DLGAP2: variants seen among roughly 807,000 people sequenced by gnomAD.
DLGAP2 encodes disks large-associated protein 2.
DLGAP2 carries 26 observed loss-of-function variants against 100.3 expected under a neutral mutation model. The ratio of observed to expected loss-of-function variants is 0.26; its 90% confidence interval spans 0.19 to 0.36. The LOEUF (loss-of-function observed/expected upper bound fraction) is 0.36, where lower values mean the gene tolerates loss of function less well. DLGAP2 is among the 10% of genes least tolerant of loss of function. The pLI is 1.00. For synonymous variants in DLGAP2, 886 were observed against 630.1 expected, an observed-to-expected ratio of 1.41 and a Z score of -6.08; for missense variants, 1,858 against 1,453.2, an observed-to-expected ratio of 1.28 and a Z score of -4.53.
chr8:1,243,675 T>G (rs1262830579), intron 2 of DLGAP2, among the ~76,000 whole-genome samples: 4 of 152,168 alleles, frequency 2.6e-5, no homozygotes, highest in Non-Finnish European at 5.9e-5. Context: ...TCGGTGGGGC[T>G]GGAGCCTGCC....
At position 1,706,813 on chromosome 8, in the gene DLGAP2, G is replaced by C. The variant is rs576579195; in HGVS notation, c.*5407G>C. 1 of 152,278 alleles carries C rather than the reference G, an allele frequency of 6.6e-6. No individual in the cohort carries two copies. The highest frequency in any genetic ancestry group is 1.9e-4 in the East Asian group (1 of 5,170). 9.4% of individuals were successfully genotyped at this position (152,278 alleles called of 1,614,324 possible). On this transcript the variant is annotated 3_prime_UTR_variant, in exon 15 of 15. Transcript: ENST00000637795. Reference sequence around the variant, plus strand: ...ACACACTGACTCAAACCACGCAAGGGTTTGAGAAGCCCACCCCTCTAATTC... The same window carrying C: ...ACACACTGACTCAAACCACGCAAGGCTTTGAGAAGCCCACCCCTCTAATTC...
chr8:1,224,368 A>G (rs1300106312), intron 2 of DLGAP2, among the ~76,000 whole-genome samples: 1 of 152,204 alleles, frequency 6.6e-6, no homozygotes, highest in Non-Finnish European at 1.5e-5. Flanking sequence ...AAGCACCAAG[A>G]ACAGAGCCTG....
intron 1 of DLGAP2, among the ~76,000 whole-genome samples, chr8:890,198 C>T (rs573317225): frequency 2.1e-4 from 32 of 152,236 alleles, no homozygotes; most frequent in Middle Eastern, 3.4e-3. Context: ...TCAGCCATCT[C>T]GGCCAGAATA....
At chr8:1,535,517 G>C (rs930529202) in intron 4 of DLGAP2, among the ~76,000 whole-genome samples, 1 of 152,180 alleles carries the variant, frequency 6.6e-6, no homozygotes, top group African/African-American at 2.4e-5. Context: ...TAGCACAGAC[G>C]TGTTCAAGCG....
rs145138471 is a variant in DLGAP2 at position 1,423,150 on chromosome 8, C to G, written c.107-78216C>G. On this transcript the variant is annotated intron_variant, in intron 3 of 14. Coordinates refer to ENST00000637795, the MANE Select transcript of DLGAP2 (RefSeq NM_001346810.2). ...TAAAATAATGAATGAACCACAACAG[C>G]TAAAGCCTAGGTGGCAAGTTAATAT... is the stretch of plus-strand genomic sequence containing the variant. Among the ~76,000 whole-genome samples, 1,113 of 152,306 alleles carry G rather than the reference C, an allele frequency of 7.3e-3. 11 individuals are homozygous for G. Among genetic ancestry groups the G allele is most frequent in the African/African-American group, 0.025 (1,041 of 41,562 alleles).
At chr8:1,491,077 C>CAAAAAAAAAAAAAAAAAA (rs386411871) in intron 3 of DLGAP2, among the ~76,000 whole-genome samples, 1 of 64,508 alleles carries the variant, frequency 1.6e-5, no homozygotes, top group African/African-American at 4.3e-5. Context: ...AACTGGAAAC[C>CAAAAAAAAAAAAAAAAAA]AAAAAAAAAA....
chr8:782,329 T>G (rs1821714269), intron 1 of DLGAP2, among the ~76,000 whole-genome samples: 1 of 152,174 alleles, frequency 6.6e-6, no homozygotes, highest in South Asian at 2.1e-4. Flanking sequence ...GAATTTTAGC[T>G]TGATTTTTTT....
chr8:1,081,004 A>T (rs1803788639), intron 2 of DLGAP2, among the ~76,000 whole-genome samples: 2 of 152,226 alleles, frequency 1.3e-5, no homozygotes, highest in South Asian at 4.1e-4. Flanking sequence ...CCTCATTAGC[A>T]TACACATATA....
At chr8:1,517,972 C>T (rs920288646) in intron 4 of DLGAP2, among the ~76,000 whole-genome samples, 4 of 152,208 alleles carry the variant, frequency 2.6e-5, no homozygotes, top group African/African-American at 9.7e-5. Context: ...CAGTAACACA[C>T]ACTAACTGAA....
intron 3 of DLGAP2, among the ~76,000 whole-genome samples, chr8:1,278,697 T>TA (rs1799756863): frequency 6.6e-6 from 1 of 152,240 alleles, no homozygotes; most frequent in Non-Finnish European, 1.5e-5. Flanking sequence ...CTTATCTATA[T>TA]GTTTTAGGCA....
intron 2 of DLGAP2, among the ~76,000 whole-genome samples, chr8:1,179,316 C>T (rs917307373): frequency 1.3e-5 from 2 of 152,248 alleles, no homozygotes; most frequent in South Asian, 2.1e-4. Flanking sequence ...CCCCCATTTT[C>T]GCCTGTGCCA....
chr8:1,222,261 TTTATA>T (rs1428385639), intron 2 of DLGAP2, among the ~76,000 whole-genome samples: 1 of 152,202 alleles, frequency 6.6e-6, no homozygotes, highest in Non-Finnish European at 1.5e-5. Context: ...GCTTTTTGAT[TTTATA>T]TTCTTTGATG....
chr8:1,434,878 G>T (rs1259799833), intron 3 of DLGAP2, among the ~76,000 whole-genome samples: 1 of 152,006 alleles, frequency 6.6e-6, no homozygotes, highest in Non-Finnish European at 1.5e-5. Context: ...CTCCTCCATG[G>T]TATCATCATC....
At position 1,523,697 on chromosome 8, in the gene DLGAP2, A is replaced by G. The variant is rs79721039; in HGVS notation, c.172+22266A>G. On this transcript the variant is annotated intron_variant, in intron 4 of 14. Coordinates refer to ENST00000637795, the MANE Select transcript of DLGAP2 (RefSeq NM_001346810.2). ...AGCCGTCTGCATTTTATTTTTGTCA[A>G]TTATGGCACTAATCATGTCCTTTTA... 3.8e-3 allele frequency among the ~76,000 whole-genome samples: 586 copies of G among 152,260 alleles called. 2 individuals carry two copies. The highest frequency in any genetic ancestry group is 0.013 in the African/African-American group (544 of 41,548).
intron 3 of DLGAP2, among the ~76,000 whole-genome samples, chr8:1,430,011 T>TATATATACACAC (rs1554467357): frequency 1.6e-5 from 1 of 63,960 alleles, no homozygotes; most frequent in African/African-American, 5.5e-5. Context: ...TATATACATA[T>TATATATACACAC]ATATATATAT....
chr8:1,510,461 G>C (rs998464521), intron 4 of DLGAP2, among the ~76,000 whole-genome samples: 17 of 152,240 alleles, frequency 1.1e-4, no homozygotes, highest in African/African-American at 4.1e-4. Context: ...CTCCGTGAAA[G>C]TGCTGTCAAG....
Position 1,504,761 on chromosome 8 carries a change from TTGTC to T in DLGAP2, c.172+3334_172+3337del, listed in dbSNP as rs143429713. ...ACTGAGTAGGTATTCCACATTTTCTTTGTCTGTGCCTCTGCTGATGGGCTTGAGG... is the reference window on the plus strand; with the variant it reads ...ACTGAGTAGGTATTCCACATTTTCTTTGTGCCTCTGCTGATGGGCTTGAGG... On this transcript the variant is annotated intron_variant, in intron 4 of 14. Transcript: ENST00000637795. 7.9e-3 allele frequency among the ~76,000 whole-genome samples: 1,205 copies of T among 152,350 alleles called. 13 individuals are homozygous for T. The highest frequency in any genetic ancestry group is 0.028 in the African/African-American group (1,161 of 41,576).
intron 6 of DLGAP2, among the ~76,000 whole-genome samples, chr8:1,596,119 A>G (rs9644256): frequency 0.28 from 42,371 of 149,918 alleles, 6,495 homozygotes; most frequent in East Asian, 0.5. Flanking sequence ...GGCAACATGC[A>G]GTATTTGGTT....
chr8:762,605 C>T (rs756199478), intron 1 of DLGAP2, among the ~76,000 whole-genome samples: 9 of 152,080 alleles, frequency 5.9e-5, no homozygotes, highest in East Asian at 3.9e-4. Context: ...AGCCCTACCA[C>T]GGCAGCCACC....
Sources: gnomAD v4.1 joint callset for allele counts (sites outside exome capture counted in the v4.1 genomes callset) on GRCh38, gnomAD v4.1.1 for gene constraint, MANE v1.5 for transcripts, NCBI Gene and HGNC (gene_info 2026-07-23, HGNC 2026-07-21) for gene names.